SLC18A1: variants seen among roughly 807,000 people sequenced by gnomAD.
SLC18A1 encodes solute carrier family 18 member A1.
Under a neutral mutation model 53.7 loss-of-function variants are expected in SLC18A1, and 69 were observed. That is an observed-to-expected ratio of 1.28 (90% CI 1.06 to 1.57). The LOEUF (loss-of-function observed/expected upper bound fraction) is 1.57, where lower values mean the gene tolerates loss of function less well. SLC18A1 is among the 40% of genes most tolerant of loss of function. SLC18A1 has a pLI of 0.00. For missense variants in SLC18A1, 932 were observed against 668.1 expected, an observed-to-expected ratio of 1.40 and a Z score of -4.35; for synonymous variants, 320 against 248.1, an observed-to-expected ratio of 1.29 and a Z score of -2.72.
At position 20,147,388 on chromosome 8, in the gene SLC18A1, G is replaced by A; in HGVS notation, c.1334C>T (p.Pro445Leu). 1 of 1,605,796 alleles carries A rather than the reference G, an allele frequency of 6.2e-7. No homozygotes were observed. Among genetic ancestry groups the A allele is most frequent in the Non-Finnish European group, 8.5e-7 (1 of 1,176,940 alleles). ...VAFCMGFAIG[P>L]STGGAIVKAI... ...CTTTACAATGGCACCACCGGTGGAT[G>A]GACCTGGGAGGGATACATCAAAGTC... Residue 445 changes from proline to leucine, a missense_variant, in exon 15 of 16, where the codon CCA (proline) becomes CTA (leucine). Pro to Leu is a moderately conservative substitution (Grantham distance 98). Coordinates refer to ENST00000276373, the MANE Select transcript of SLC18A1 (RefSeq NM_003053.4).
chr8:20,149,352 A>T (rs1395386255), intron 12 of SLC18A1, among the ~76,000 whole-genome samples: 1 of 151,960 alleles, frequency 6.6e-6, no homozygotes, highest in East Asian at 1.9e-4. Flanking sequence ...AACATGTATC[A>T]CTTCATATGC....
intron 10 of SLC18A1, among the ~76,000 whole-genome samples, chr8:20,151,959 CA>C (rs1043867046): frequency 2.0e-5 from 3 of 152,056 alleles, no homozygotes; most frequent in African/African-American, 7.2e-5. Flanking sequence ...AACAAATACA[CA>C]AAAAAGATAA....
At chr8:20,171,602 A>G (rs2072118964) in intron 6 of SLC18A1, 108 bp from the exon 7 acceptor site, 1 of 813,626 alleles carries the variant, frequency 1.2e-6, no homozygotes, top group Non-Finnish European at 2.1e-6. Context: ...GCTAGGGGCT[A>G]AGCTCCACCT....
intron 10 of SLC18A1, among the ~76,000 whole-genome samples, chr8:20,159,023 T>G (rs2071749838): frequency 6.6e-6 from 1 of 152,154 alleles, no homozygotes; most frequent in Non-Finnish European, 1.5e-5. Context: ...TCTCTGTATC[T>G]TAACCTCCTG....
intron 7 of SLC18A1, 119 bp from the exon 8 acceptor site, chr8:20,171,265 T>C (rs2072108667): frequency 7.4e-7 from 1 of 1,358,736 alleles, no homozygotes; most frequent in African/African-American, 1.4e-5. Flanking sequence ...GTTTCTTCTT[T>C]CTTTTCTACA....
chr8:20,168,767 G>A (rs1170677436), intron 8 of SLC18A1, among the ~76,000 whole-genome samples: 1 of 152,096 alleles, frequency 6.6e-6, no homozygotes, highest in East Asian at 1.9e-4. Context: ...ACAGGGTTTT[G>A]CCATGTTGGC....
At position 20,149,666 on chromosome 8, in the gene SLC18A1, T is replaced by C. The variant is rs1365054633; in HGVS notation, c.1146+10A>G. On this transcript the variant is annotated intron_variant, in intron 12 of 15. Transcript: ENST00000276373. ...TCTCCTTCCCCTCCCCCAGGTCTTC[T>C]TATACTTACACAGAGCAAGCTGGTA... The C allele has an allele frequency of 6.2e-6, 10 of 1,611,312 alleles. No homozygotes were observed. In the African/African-American group the frequency reaches 8.0e-5, roughly 13 times the overall value.
intron 10 of SLC18A1, among the ~76,000 whole-genome samples, chr8:20,161,993 T>G (rs772568530): frequency 2.6e-5 from 4 of 152,200 alleles, no homozygotes; most frequent in Non-Finnish European, 5.9e-5. Flanking sequence ...CATGCACCCA[T>G]AGCTCTTGCA....
intron 10 of SLC18A1, among the ~76,000 whole-genome samples, chr8:20,161,937 G>A (rs1294917871): frequency 6.6e-6 from 1 of 152,176 alleles, no homozygotes; most frequent in Non-Finnish European, 1.5e-5. Flanking sequence ...CCGTGATCTT[G>A]GAAGTGGCTG....
intron 2 of SLC18A1, 145 bp from the exon 3 acceptor site, chr8:20,179,629 A>G (rs2072367532): frequency 1.7e-5 from 19 of 1,137,594 alleles, no homozygotes; most frequent in Non-Finnish European, 2.2e-5. Context: ...TCATCTTACC[A>G]CTACTAGGAT....
chr8:20,179,236 A>T lies in SLC18A1; in HGVS notation c.373T>A (p.Cys125Ser), dbSNP rs775881751. The T allele has an allele frequency of 1.9e-6, 3 of 1,614,068 alleles. No homozygotes were observed. The highest frequency in any genetic ancestry group is 1.7e-5 in the Admixed American group (1 of 60,000). ...TEAISAHKNN[C>S]LQGTGFLEEE... ...TCCAAGAAACCTGTGCCTTGCAAGC[A>T]GTTGTTTTTATGAGCTGAGATGGCT... Residue 125 changes from cysteine to serine, a missense_variant, in exon 3 of 16, where the codon TGC (cysteine) becomes AGC (serine). Cys to Ser is a moderately radical substitution (Grantham distance 112). Transcript: ENST00000276373.
chr8:20,165,753 G>T (rs893318170), intron 8 of SLC18A1, among the ~76,000 whole-genome samples: 3 of 152,062 alleles, frequency 2.0e-5, no homozygotes, highest in Admixed American at 6.6e-5. Context: ...TAAACTACAC[G>T]TTCTGAGCTT....
intron 10 of SLC18A1, among the ~76,000 whole-genome samples, chr8:20,161,330 C>A (rs746848906): frequency 2.6e-5 from 4 of 151,608 alleles, no homozygotes; most frequent in Admixed American, 6.6e-5. Context: ...TTCAACTAAT[C>A]GCAGATCAAA....
chr8:20,148,070 C>A lies in SLC18A1; in HGVS notation c.1147G>T (p.Val383Phe). Residue 383 changes from valine to phenylalanine, a missense_variant and splice_region_variant, in exon 13 of 16, where the codon GTT (valine) becomes TTT (phenylalanine). Val to Phe is a conservative substitution (Grantham distance 50, BLOSUM62 -1). Coordinates refer to ENST00000276373, the MANE Select transcript of SLC18A1 (RefSeq NM_003053.4). ...MLVVGTSLLC[V>F]PLAHNIFGLI... Reference sequence around the variant, plus strand: ...CCAAAAATATTGTGAGCCAGAGGAACCTGCATGGGGAAGGAGGAAGAGTCA... The same window carrying A: ...CCAAAAATATTGTGAGCCAGAGGAAACTGCATGGGGAAGGAGGAAGAGTCA... 3.1e-6 allele frequency: 5 copies of A among 1,614,010 alleles called. No homozygotes were observed. The highest frequency in any genetic ancestry group is 4.2e-6 in the Non-Finnish European group (5 of 1,179,942).
intron 10 of SLC18A1, among the ~76,000 whole-genome samples, chr8:20,155,379 G>C (rs1402375979): frequency 6.6e-6 from 1 of 152,140 alleles, no homozygotes; most frequent in African/African-American, 2.4e-5. Flanking sequence ...GACTCAGCTG[G>C]GAGGCTTTCT....
At chr8:20,174,527 T>G in intron 4 of SLC18A1, 83 bp from the exon 5 acceptor site, 1 of 845,842 alleles carries the variant, frequency 1.2e-6, no homozygotes, top group East Asian at 2.5e-5. Flanking sequence ...CCCGTGATAC[T>G]GCAGATATGA....
rs755320623 is a variant in SLC18A1 at position 20,173,109 on chromosome 8, A to G, written c.651T>C (p.Ser217=). 6.3e-7 allele frequency: 1 copy of G among 1,575,218 alleles called. No homozygotes were observed. The highest frequency in any genetic ancestry group is 1.2e-5 in the South Asian group (1 of 85,832). Residue 217 remains serine, a synonymous_variant, in exon 6 of 16, where the codon AGT becomes AGC. Coordinates refer to ENST00000276373, the MANE Select transcript of SLC18A1 (RefSeq NM_003053.4). ...CTCTCTCATGGTCATCAGTGTAGAC[A>G]CTGGCCAGCATTCCAAGACCTGCGC... The part of the protein sequence containing the change: ...SSVAGLGMLA[S]VYTDDHERGR...
rs1453581453 is a variant in SLC18A1, at chr8:20,179,307, G to A, written c.302C>T (p.Ala101Val). 1 of 1,614,188 alleles carries A rather than the reference G, an allele frequency of 6.2e-7. No individual in the cohort carries two copies. Among genetic ancestry groups the A allele is most frequent in the Non-Finnish European group, 8.5e-7 (1 of 1,180,032 alleles). The change falls in exon 3 of 16, where the codon GCA becomes GTA. Residue 101 changes from alanine to valine, a missense_variant. Coordinates refer to ENST00000276373, the MANE Select transcript of SLC18A1 (RefSeq NM_003053.4). ...AVEESVPSGI[A>V]WMNDTASTIP... ...GGTGCTGGCAGTGTCATTCATCCATGCTATTCCACTAGGTACGCTTTCTTC... is the reference window on the plus strand; with the variant it reads ...GGTGCTGGCAGTGTCATTCATCCATACTATTCCACTAGGTACGCTTTCTTC...
At chr8:20,161,313 C>T (rs1019182687) in intron 10 of SLC18A1, among the ~76,000 whole-genome samples, 1 of 151,808 alleles carries the variant, frequency 6.6e-6, no homozygotes, top group African/African-American at 2.4e-5. Context: ...GGTTTCACAT[C>T]CTTGGATTCA....
Sources: allele counts gnomAD v4.1 joint callset (sites outside exome capture counted in the v4.1 genomes callset), GRCh38; gene constraint gnomAD v4.1.1; transcripts MANE v1.5; gene names NCBI Gene and HGNC (gene_info 2026-07-23, HGNC 2026-07-21).